Variants in FRYL observed in about 807,000 individuals in gnomAD.
FRYL encodes the protein protein furry homolog-like.
Under a neutral mutation model 351.2 loss-of-function variants are expected in FRYL, and 150 were observed. That is an observed-to-expected ratio of 0.43 (90% CI 0.37 to 0.49). The LOEUF (loss-of-function observed/expected upper bound fraction) is 0.49. Among genes scored for constraint, FRYL ranks in the 20% least tolerant of loss-of-function variants. The pLI is 0.00. For missense variants in FRYL, 3,036 were observed against 3,619.3 expected (o/e 0.84, Z 4.13); for synonymous variants, 1,153 against 1,257.1 (o/e 0.92, Z 1.75).
At chr4:48,760,268 T>C (rs1241470864) in intron 1 of FRYL, among the ~76,000 whole-genome samples, 2 of 152,114 alleles carry the variant, frequency 1.3e-5, no homozygotes, top group Non-Finnish European at 2.9e-5. Flanking sequence ...GTTCAAGAGA[T>C]TCTCATGCCT....
intron 45 of FRYL, among the ~76,000 whole-genome samples, chr4:48,541,742 A>G (rs755104318): frequency 8.5e-5 from 13 of 152,308 alleles, no homozygotes; most frequent in Non-Finnish European, 1.2e-4. Flanking sequence ...AGGCTCCCAG[A>G]CAGCTGGGGG....
At chr4:48,641,980 C>T (rs769564424) in intron 3 of FRYL, among the ~76,000 whole-genome samples, 17 of 152,024 alleles carry the variant, frequency 1.1e-4, no homozygotes, top group Non-Finnish European at 2.1e-4. Context: ...GCTACTGATA[C>T]GAAATAAAGA....
At chr4:48,580,613 T>A (rs1261257298) in intron 22 of FRYL, 2 of 388,812 alleles carry the variant, frequency 5.1e-6, no homozygotes, top group Non-Finnish European at 9.1e-6. Context: ...CAGAAACTTC[T>A]TAGATTGGAA....
chr4:48,738,163 C>A (rs1771647149), intron 1 of FRYL, among the ~76,000 whole-genome samples: 1 of 152,160 alleles, frequency 6.6e-6, no homozygotes, highest in South Asian at 2.1e-4. Flanking sequence ...AGACATAAAA[C>A]TGTGTTTGTT....
At chr4:48,660,509 C>A (rs1298805479) in intron 3 of FRYL, among the ~76,000 whole-genome samples, 1 of 152,122 alleles carries the variant, frequency 6.6e-6, no homozygotes, top group East Asian at 1.9e-4. Flanking sequence ...TGAGTTTATG[C>A]CAGGTAAGGG....
At chr4:48,594,449 G>A (rs1744191066) in intron 15 of FRYL, among the ~76,000 whole-genome samples, 1 of 152,124 alleles carries the variant, frequency 6.6e-6, no homozygotes, top group African/African-American at 2.4e-5. Context: ...TTTGAAAGGA[G>A]TTTTATAATT....
chr4:48,603,495 T>C (rs551205621), intron 11 of FRYL, 107 bp from the exon 12 acceptor site: 10 of 728,438 alleles, frequency 1.4e-5, no homozygotes, highest in Non-Finnish European at 2.1e-5. Context: ...AATAATTCAC[T>C]GAGACTCTCA....
At chr4:48,775,017 G>A (rs368387256) in intron 1 of FRYL, among the ~76,000 whole-genome samples, 10 of 152,174 alleles carry the variant, frequency 6.6e-5, no homozygotes, top group African/African-American at 1.7e-4. Context: ...TGAAATGCAC[G>A]ATACCTGTAA....
rs930844810 is a variant in FRYL at position 48,717,601 on chromosome 4, C to T, written c.-383-6903G>A. Among the ~76,000 whole-genome samples, 10 of 151,618 alleles carry T rather than the reference C, an allele frequency of 6.6e-5. 1 individual carries two copies. The highest frequency in any genetic ancestry group is 3.3e-4 in the Admixed American group (5 of 15,112). On this transcript the variant is annotated intron_variant, in intron 1 of 63. Transcript: ENST00000358350. ...TGTCACCTAGGCTGGAGTGCAATGA[C>T]GCAATTATAGCTCACTGCAGCCTCA...
chr4:48,615,325 G>A (rs1037794689), intron 7 of FRYL, among the ~76,000 whole-genome samples: 2 of 152,074 alleles, frequency 1.3e-5, no homozygotes. Context: ...ATGCTATTAA[G>A]TCTGAAAATG....
In FRYL at chr4:48,636,590, A is replaced by G. The variant is rs573712206; in HGVS notation, c.-80-2100T>C. ...TACTGTCTTCTACTTTCTTAAAAAT[A>G]AAGCATAACCAAATATTCCTAGGTA... On this transcript the variant is annotated intron_variant, in intron 3 of 63. Coordinates refer to ENST00000358350, the MANE Select transcript of FRYL (RefSeq NM_015030.2). Among the ~76,000 whole-genome samples the G allele has an allele frequency of 6.0e-3, 906 of 152,142 alleles. 2 individuals are homozygous for G. The highest frequency in any genetic ancestry group is 9.7e-3 in the Non-Finnish European group (660 of 67,940).
chr4:48,718,456 G>C (rs1297166278), intron 1 of FRYL, among the ~76,000 whole-genome samples: 1 of 151,282 alleles, frequency 6.6e-6, no homozygotes, highest in African/African-American at 2.4e-5. Context: ...ATATTATATA[G>C]CCAATATTGT....
Position 48,531,195 on chromosome 4 carries a change from C to T in FRYL, c.6864G>A (p.Leu2288=). ...TKIFNNVSKE[L]PGKTLDFHFD... ...AATGAAAATCTAAGGTCTTCCCAGG[C>T]AACTCCTTAGAAACATTATTAAAAA... Residue 2288 remains leucine (L), a synonymous_variant, in exon 50 of 64, where the codon TTG becomes TTA. Coordinates refer to ENST00000358350, the MANE Select transcript of FRYL (RefSeq NM_015030.2). 1 of 1,610,828 alleles carries T rather than the reference C, an allele frequency of 6.2e-7. No homozygotes were observed. Among genetic ancestry groups the T allele is most frequent in the Admixed American group, 1.7e-5 (1 of 59,966 alleles).
intron 1 of FRYL, among the ~76,000 whole-genome samples, chr4:48,736,143 G>C (rs941291253): frequency 6.6e-6 from 1 of 151,978 alleles, no homozygotes; most frequent in Non-Finnish European, 1.5e-5. Flanking sequence ...TAAATCTCAA[G>C]AGAATTTTTT....
intron 7 of FRYL, among the ~76,000 whole-genome samples, chr4:48,617,123 T>A (rs937757531): frequency 6.6e-6 from 1 of 152,100 alleles, no homozygotes; most frequent in Non-Finnish European, 1.5e-5. Context: ...TTTTGATGAG[T>A]GCATTTAAAT....
intron 27 of FRYL, among the ~76,000 whole-genome samples, chr4:48,570,424 T>C (rs1272024785): frequency 6.6e-6 from 1 of 152,242 alleles, no homozygotes; most frequent in East Asian, 1.9e-4. Context: ...TTGTAAGCTT[T>C]ACAATGTTTA....
At position 48,528,213 on chromosome 4, in the gene FRYL, A is replaced by T; in HGVS notation, c.7027T>A (p.Leu2343Met). 3.7e-6 allele frequency: 6 copies of T among 1,613,342 alleles called. No homozygotes were observed. The highest frequency in any genetic ancestry group is 5.1e-6 in the Non-Finnish European group (6 of 1,179,502). ...GGCCTTTTCCAACTAACAGGAACCAAGGCATTAGAATTAGAACCAGAAGAA... is the reference window on the plus strand; with the variant it reads ...GGCCTTTTCCAACTAACAGGAACCATGGCATTAGAATTAGAACCAGAAGAA... Reference protein sequence around the residue: ...STSSGSNSNALVPVSWKRPQL... With the variant: ...STSSGSNSNAMVPVSWKRPQL... Residue 2343 changes from leucine (L) to methionine (M), a missense_variant, in exon 51 of 64, where the codon TTG becomes ATG. Physicochemically the swap from Leu to Met is conservative, Grantham distance 15. Around this residue, in one of 7 missense-constraint regions of FRYL, gnomAD observed 1,987 missense variants for 2,311.7 expected, o/e 0.86. Coordinates refer to ENST00000358350, the MANE Select transcript of FRYL (RefSeq NM_015030.2).
intron 2 of FRYL, among the ~76,000 whole-genome samples, chr4:48,700,906 C>T (rs1766652399): frequency 6.6e-6 from 1 of 151,740 alleles, no homozygotes; most frequent in Non-Finnish European, 1.5e-5. Context: ...CCTGTAAGTA[C>T]TTGCCCTAGT....
At chr4:48,603,789 A>G (rs1399616980) in intron 11 of FRYL, among the ~76,000 whole-genome samples, 1 of 152,168 alleles carries the variant, frequency 6.6e-6, no homozygotes, top group Non-Finnish European at 1.5e-5. Flanking sequence ...GACCATGTGC[A>G]TGGGGACCCA....
Sources: allele counts gnomAD v4.1 joint callset (sites outside exome capture counted in the v4.1 genomes callset), GRCh38; gene constraint gnomAD v4.1.1; regional missense constraint gnomAD v4.1.1; transcripts MANE v1.5; gene names NCBI Gene and HGNC (gene_info 2026-07-23, HGNC 2026-07-21).